KCND3: variants seen among roughly 807,000 people sequenced by gnomAD.
KCND3 encodes the protein A-type voltage-gated potassium channel KCND3.
Under a neutral mutation model 51.1 loss-of-function variants are expected in KCND3, and 9 were observed. The observed-to-expected ratio is 0.18, with a 90% CI of 0.11 to 0.31. The LOEUF is 0.31. Among genes scored for constraint, KCND3 ranks in the 10% least tolerant of loss-of-function variants. KCND3 has a pLI of 1.00. For missense variants in KCND3, 526 were observed against 903.8 expected (o/e 0.58, Z 5.36); for synonymous variants, 349 against 368.0 (o/e 0.95, Z 0.59).
At chr1:111,838,440 G>A (rs906802221) in intron 2 of KCND3, among the ~76,000 whole-genome samples, 11 of 152,120 alleles carry the variant, frequency 7.2e-5, no homozygotes, top group Non-Finnish European at 1.3e-4. Context: ...GGCGGATCAC[G>A]AGGTCAGGAG....
intron 2 of KCND3, among the ~76,000 whole-genome samples, chr1:111,954,027 G>A (rs1673194526): frequency 6.6e-6 from 1 of 152,128 alleles, no homozygotes. Context: ...GGGGTGGGGG[G>A]AAGTGTACTC....
intron 2 of KCND3, among the ~76,000 whole-genome samples, chr1:111,861,994 C>T (rs1443989206): frequency 6.6e-6 from 1 of 152,160 alleles, no homozygotes; most frequent in Non-Finnish European, 1.5e-5. Flanking sequence ...ACTGCAGCTG[C>T]CTGCTCCTAC....
intron 2 of KCND3, among the ~76,000 whole-genome samples, chr1:111,892,349 G>T (rs1315852041): frequency 1.3e-5 from 2 of 152,162 alleles, no homozygotes; most frequent in East Asian, 3.8e-4. Flanking sequence ...ATTGGGCATT[G>T]CCCTGGACAA....
At chr1:111,891,185 T>A (rs1669804099) in intron 2 of KCND3, among the ~76,000 whole-genome samples, 1 of 152,152 alleles carries the variant, frequency 6.6e-6, no homozygotes, top group African/African-American at 2.4e-5. Flanking sequence ...ATAAAATCAC[T>A]TGGTGTTTGT....
chr1:111,846,418 T>TCCGCTGCTG (rs71580593), intron 2 of KCND3, among the ~76,000 whole-genome samples: 1 of 150,714 alleles, frequency 6.6e-6, no homozygotes, highest in East Asian at 2.0e-4. Flanking sequence ...CATGACACTC[T>TCCGCTGCTG]CTGCTGCTGC....
rs769768787 is a variant in KCND3 at position 111,775,829 on chromosome 1, C to G, written c.*248G>C. On this transcript the variant is annotated 3_prime_UTR_variant, in exon 8 of 8. Coordinates refer to ENST00000302127, the MANE Select transcript of KCND3 (RefSeq NM_001378969.1). The stretch of plus-strand genomic sequence containing the variant: ...CCCGGCCTATCCCCGACCCCCCCAC[C>G]CTCCCTCCCTTCCTCTGGCCCCAGT... 1 of 147,246 alleles carries G rather than the reference C, an allele frequency of 6.8e-6. No homozygotes were observed. Among genetic ancestry groups the G allele is most frequent in the Non-Finnish European group, 1.5e-5 (1 of 68,202 alleles). 9.1% of individuals were successfully genotyped at this position (147,246 alleles called of 1,614,324 possible).
chr1:111,943,139 G>A (rs534266477), intron 2 of KCND3, among the ~76,000 whole-genome samples: 2 of 152,080 alleles, frequency 1.3e-5, no homozygotes, highest in Non-Finnish European at 2.9e-5. Flanking sequence ...TGCATCTCAG[G>A]CTGGATGGAC....
At chr1:111,837,423 C>T (rs1234833085) in intron 2 of KCND3, among the ~76,000 whole-genome samples, 1 of 152,322 alleles carries the variant, frequency 6.6e-6, no homozygotes, top group East Asian at 1.9e-4. Context: ...TGCCAGGGGC[C>T]CTGCTCTGTC....
chr1:111,938,141 A>T (rs1052827172), intron 2 of KCND3, among the ~76,000 whole-genome samples: 38 of 152,190 alleles, frequency 2.5e-4, no homozygotes, highest in Non-Finnish European at 5.9e-5. Flanking sequence ...ACTGTTAGTG[A>T]TGGAAGAAAC....
rs1664045622 is a variant in KCND3, at chr1:111,774,887, G to A, written c.*1190C>T. On this transcript the variant is annotated 3_prime_UTR_variant, in exon 8 of 8. Coordinates refer to ENST00000302127, the MANE Select transcript of KCND3 (RefSeq NM_001378969.1). ...TTGAAGGAAGGGTCCATAGCAAGGTGCCCTAATGACCGGCTGAGGCTGCGA... is the reference window on the plus strand; with the variant it reads ...TTGAAGGAAGGGTCCATAGCAAGGTACCCTAATGACCGGCTGAGGCTGCGA... 6.6e-6 allele frequency: 1 copy of A among 152,192 alleles called. No homozygotes were observed. The highest frequency in any genetic ancestry group is 1.5e-5 in the Non-Finnish European group (1 of 68,126). The allele number at this position is 152,192 out of a possible 1,614,324, so 9.4% of individuals were successfully genotyped here. A position where few individuals can be genotyped will look rare whatever the true frequency, so the allele number is the denominator to read the frequency against.
intron 2 of KCND3, among the ~76,000 whole-genome samples, chr1:111,950,965 G>A (rs565017168): frequency 6.6e-6 from 1 of 152,270 alleles, no homozygotes; most frequent in Admixed American, 6.5e-5. Flanking sequence ...GAGGTCAGGA[G>A]TTCGAGACTA....
intron 2 of KCND3, among the ~76,000 whole-genome samples, chr1:111,839,557 C>A (rs1667230089): frequency 6.6e-6 from 1 of 152,208 alleles, no homozygotes; most frequent in South Asian, 2.1e-4. Context: ...AAAAGCTAAC[C>A]TTTATTTAAG....
chr1:111,807,505 A>T (rs1247632604), intron 2 of KCND3, among the ~76,000 whole-genome samples: 1 of 152,140 alleles, frequency 6.6e-6, no homozygotes, highest in African/African-American at 2.4e-5. Flanking sequence ...GTGAAACCCC[A>T]TCTCTACAAA....
At position 111,915,563 on chromosome 1, in the gene KCND3, T is replaced by C. The variant is rs112475100; in HGVS notation, c.1106+66058A>G. On this transcript the variant is annotated intron_variant, in intron 2 of 7. Transcript: ENST00000302127. ...GTCAGGAGATCGAGCCCATCCTGGCTAACATGGTGAAACCCCGTCTCTACT... is the reference window on the plus strand; with the variant it reads ...GTCAGGAGATCGAGCCCATCCTGGCCAACATGGTGAAACCCCGTCTCTACT... 5.6e-3 allele frequency among the ~76,000 whole-genome samples: 855 copies of C among 152,006 alleles called. 7 individuals carry two copies. The highest frequency in any genetic ancestry group is 0.02 in the African/African-American group (813 of 41,484).
chr1:111,874,328 A>G (rs1201177642), intron 2 of KCND3, among the ~76,000 whole-genome samples: 1 of 152,194 alleles, frequency 6.6e-6, no homozygotes, highest in Non-Finnish European at 1.5e-5. Context: ...AACATCTGAG[A>G]ACATACACAT....
chr1:111,978,459 CA>C (rs1014764019), intron 2 of KCND3, among the ~76,000 whole-genome samples: 5 of 152,174 alleles, frequency 3.3e-5, no homozygotes, highest in Admixed American at 2.0e-4. Context: ...CACTTGGACT[CA>C]AATGCCAGTG....
intron 2 of KCND3, among the ~76,000 whole-genome samples, chr1:111,924,916 A>C (rs939025634): frequency 2.6e-5 from 4 of 152,346 alleles, no homozygotes; most frequent in Middle Eastern, 6.8e-3. Flanking sequence ...GTAAGTGAAC[A>C]CTTCTGAGAC....
At chr1:111,921,308 C>T (rs1307141150) in intron 2 of KCND3, among the ~76,000 whole-genome samples, 1 of 152,176 alleles carries the variant, frequency 6.6e-6, no homozygotes, top group Non-Finnish European at 1.5e-5. Context: ...TAAGGGCCCT[C>T]GAATCTCTTC....
chr1:111,955,836 C>G (rs1673308732), intron 2 of KCND3, among the ~76,000 whole-genome samples: 1 of 152,184 alleles, frequency 6.6e-6, no homozygotes, highest in Non-Finnish European at 1.5e-5. Context: ...TCACCTTAAG[C>G]ATGAGGACGC....
Sources: gnomAD v4.1 joint callset for allele counts (sites outside exome capture counted in the v4.1 genomes callset) on GRCh38, gnomAD v4.1.1 for gene constraint, MANE v1.5 for transcripts, NCBI Gene and HGNC (gene_info 2026-07-23, HGNC 2026-07-21) for gene names.